VWF: variants seen among roughly 807,000 people sequenced by gnomAD.
The protein encoded by VWF is von Willebrand factor.
VWF carries 176 observed loss-of-function variants against 308.6 expected under a neutral mutation model. That is an observed-to-expected ratio of 0.57 (90% CI 0.50 to 0.65). The LOEUF is 0.65. Among genes scored for constraint, VWF ranks in the 30% least tolerant of loss-of-function variants. The pLI is 0.00. For missense variants in VWF, 3,146 were observed against 3,648.2 expected (o/e 0.86, Z 3.55); for synonymous variants, 1,385 against 1,443.4 (o/e 0.96, Z 0.92).
At chr12:5,962,752 T>C (rs1295100546) in intron 47 of VWF, among the ~76,000 whole-genome samples, 1 of 152,144 alleles carries the variant, frequency 6.6e-6, no homozygotes, top group East Asian at 1.9e-4. Context: ...GGTTTCACCA[T>C]GTTAGCCACG....
At chr12:6,085,544 A>G (rs1944958845) in intron 6 of VWF, among the ~76,000 whole-genome samples, 1 of 152,154 alleles carries the variant, frequency 6.6e-6, no homozygotes, top group Non-Finnish European at 1.5e-5. Context: ...ATAGTTCGTT[A>G]AAGGATTTTG....
intron 42 of VWF, among the ~76,000 whole-genome samples, chr12:5,981,105 G>C (rs1943600013): frequency 1.3e-5 from 2 of 152,208 alleles, no homozygotes; most frequent in Non-Finnish European, 2.9e-5. Context: ...TTCTCCCATA[G>C]CACCTAGCAC....
intron 3 of VWF, among the ~76,000 whole-genome samples, chr12:6,119,774 G>A (rs925644476): frequency 1.9e-4 from 29 of 152,086 alleles, no homozygotes; most frequent in African/African-American, 6.5e-4. Flanking sequence ...CCCAGGAGGC[G>A]GAGGTTGCAG....
chr12:6,087,524 A>G (rs1290861124), intron 6 of VWF, among the ~76,000 whole-genome samples: 1 of 138,726 alleles, frequency 7.2e-6, no homozygotes, highest in Non-Finnish European at 1.5e-5. Context: ...ACGCCCGGCT[A>G]ATTTTTTTTT....
Position 6,062,946 on chromosome 12 carries a change from G to C in VWF, c.1533+8C>G. 6.2e-7 allele frequency: 1 copy of C among 1,610,874 alleles called. No individual in the cohort carries two copies. The highest frequency in any genetic ancestry group is 1.1e-5 in the South Asian group (1 of 90,894). Reference sequence around the variant, plus strand: ...CGCAGGGAGCCAGTACCCCGTGAGGGCACCTACCTTCACCAGCAGCCTCCC... The same window carrying C: ...CGCAGGGAGCCAGTACCCCGTGAGGCCACCTACCTTCACCAGCAGCCTCCC... On this transcript the variant is annotated splice_region_variant and intron_variant, in intron 13 of 51. Coordinates refer to ENST00000261405, the MANE Select transcript of VWF (RefSeq NM_000552.5).
rs527405632 is a variant in VWF at position 5,966,263 on chromosome 12, G to A, written c.7887+1223C>T. Among the ~76,000 whole-genome samples the A allele has an allele frequency of 1.1e-3, 149 of 130,114 alleles. 1 individual carries two copies. Among genetic ancestry groups the A allele is most frequent in the African/African-American group, 4.8e-3 (142 of 29,492 alleles). 85.4% of individuals were successfully genotyped at this position (130,114 alleles called of 152,430 possible). The stretch of plus-strand genomic sequence containing the variant: ...TGGAAGCCCAGATGTGTTCTAGGAG[G>A]GTTGTTACACAATACACACACACAC... On this transcript the variant is annotated intron_variant, in intron 47 of 51. Coordinates refer to ENST00000261405, the MANE Select transcript of VWF (RefSeq NM_000552.5).
chr12:6,112,218 T>A (rs1308988647), intron 3 of VWF, among the ~76,000 whole-genome samples: 1 of 151,978 alleles, frequency 6.6e-6, no homozygotes, highest in Non-Finnish European at 1.5e-5. Flanking sequence ...CTGAGAATGG[T>A]GTGGTTGTGA....
chr12:6,092,614 T>TGAGAGTGAGAGTGAGAGAGAGAGAGA lies in VWF; in HGVS notation c.657+2845_657+2846insTCTCTCTCTCTCTCACTCTCACTCTC, dbSNP rs1945053302. On this transcript the variant is annotated intron_variant, in intron 6 of 51. Coordinates refer to ENST00000261405, the MANE Select transcript of VWF (RefSeq NM_000552.5). Reference sequence around the variant, plus strand: ...CATGCCCAGCTAGTTAGTGAGTGAGTGAGAGTGTGTGTGTGTGTGTGTGTG... The same window carrying TGAGAGTGAGAGTGAGAGAGAGAGAGA: ...CATGCCCAGCTAGTTAGTGAGTGAGTGAGAGTGAGAGTGAGAGAGAGAGAGAGAGAGTGTGTGTGTGTGTGTGTGTG... Among the ~76,000 whole-genome samples the TGAGAGTGAGAGTGAGAGAGAGAGAGA allele has an allele frequency of 2.1e-4, 18 of 86,084 alleles. 1 individual carries two copies. The highest frequency in any genetic ancestry group is 3.1e-4 in the Non-Finnish European group (14 of 45,040). 56.5% of individuals were successfully genotyped at this position (86,084 alleles called of 152,430 possible).
At chr12:6,123,244 C>T (rs758932841) in intron 1 of VWF, 48 bp from the exon 2 acceptor site, 7 of 1,612,220 alleles carry the variant, frequency 4.3e-6, no homozygotes, top group South Asian at 3.3e-5. Flanking sequence ...CCCAGGTAGG[C>T]GGCTGCTGGT....
At chr12:5,975,503 C>T (rs1018806748) in intron 43 of VWF, among the ~76,000 whole-genome samples, 4 of 152,112 alleles carry the variant, frequency 2.6e-5, no homozygotes, top group East Asian at 1.9e-4. Context: ...GCAGCCACCA[C>T]GAACTGGATT....
intron 3 of VWF, among the ~76,000 whole-genome samples, chr12:6,120,464 G>A (rs374736653): frequency 1.3e-5 from 2 of 151,872 alleles, no homozygotes; most frequent in African/African-American, 4.8e-5. Context: ...CACCACACCC[G>A]GCTAATTTTT....
rs377326408 is a variant in VWF at position 6,025,780 on chromosome 12, C to G, written c.3109-87G>C. ...GAAGGATCCAAGAGACCCTCCTTCCCACCCTGCAGCCACCTGGAGGTCATA... is the reference window on the plus strand; with the variant it reads ...GAAGGATCCAAGAGACCCTCCTTCCGACCCTGCAGCCACCTGGAGGTCATA... On this transcript the variant is annotated intron_variant, in intron 23 of 51. Coordinates refer to ENST00000261405, the MANE Select transcript of VWF (RefSeq NM_000552.5). 1.5e-4 allele frequency: 229 copies of G among 1,562,670 alleles called. No individual in the cohort carries two copies. The East Asian group carries it at 3.2e-3, about 22-fold the overall frequency.
chr12:5,987,079 C>G (rs1429859925), intron 38 of VWF, among the ~76,000 whole-genome samples: 1 of 152,152 alleles, frequency 6.6e-6, no homozygotes, highest in Non-Finnish European at 1.5e-5. Flanking sequence ...AGGCATGTGC[C>G]ACCATACCCA....
chr12:5,981,693 G>A (rs1364173980), intron 42 of VWF, 93 bp downstream of exon 42: 3 of 1,368,858 alleles, frequency 2.2e-6, no homozygotes, highest in Admixed American at 1.7e-5. Flanking sequence ...GTAGGTGGAT[G>A]GATGAATGGA....
Position 6,029,375 on chromosome 12 carries a change from C to G in VWF, c.2934G>C (p.Leu978=), listed in dbSNP as rs1438502089. 6.2e-7 allele frequency: 1 copy of G among 1,614,168 alleles called. No homozygotes were observed. The highest frequency in any genetic ancestry group is 1.1e-5 in the South Asian group (1 of 91,078). The part of the protein sequence containing the change: ...KALSVVWDRH[L]SISVVLKQTY... ...TCTGCTTCAGGACCACGGAGATGCT[C>G]AGGTGGCGGTCCCAGACCACGGAGA... Residue 978 remains leucine (L), a synonymous_variant, in exon 22 of 52, where the codon CTG becomes CTC. Coordinates refer to ENST00000261405, the MANE Select transcript of VWF (RefSeq NM_000552.5).
rs12319392 is a variant in VWF, at chr12:6,061,320, G to A, written c.1533+1634C>T. 5.3e-5 allele frequency among the ~76,000 whole-genome samples: 8 copies of A among 152,046 alleles called. No individual in the cohort carries two copies. The East Asian group carries it at 7.7e-4, about 15-fold the overall frequency. ...GAGACCCGAGTTCTGGTCCTTGCCC[G>A]GTAACTAAACGACCATGAGGCCTAG... On this transcript the variant is annotated intron_variant, in intron 13 of 51. Coordinates refer to ENST00000261405, the MANE Select transcript of VWF (RefSeq NM_000552.5).
At position 6,046,888 on chromosome 12, in the gene VWF, C is replaced by G; in HGVS notation, c.2187-71G>C. On this transcript the variant is annotated intron_variant, in intron 16 of 51. Coordinates refer to ENST00000261405, the MANE Select transcript of VWF (RefSeq NM_000552.5). This position sits in a 1 kb window ranked among gnomAD's most constrained non-coding sequence, Gnocchi z 5.0. ...ACTCGCTGCCTCCACATCTTCACCT[C>G]CCACTCACTCTCTGCCCCTTCCAAC... 7.3e-7 allele frequency: 1 copy of G among 1,378,582 alleles called. No individual in the cohort carries two copies. The highest frequency in any genetic ancestry group is 1.0e-6 in the Non-Finnish European group (1 of 984,100). The allele number at this position is 1,378,582 out of a possible 1,614,324, so 85.4% of individuals were successfully genotyped here. A position where few individuals can be genotyped will look rare whatever the true frequency, so the allele number is the denominator to read the frequency against.
intron 3 of VWF, among the ~76,000 whole-genome samples, chr12:6,112,107 T>C (rs1272062717): frequency 6.6e-6 from 1 of 152,150 alleles, no homozygotes; most frequent in East Asian, 1.9e-4. Flanking sequence ...TTACAGATCG[T>C]GTGGGTCAAA....
chr12:5,981,300 G>C (rs2136370593), intron 42 of VWF, among the ~76,000 whole-genome samples: 1 of 152,120 alleles, frequency 6.6e-6, no homozygotes, highest in East Asian at 1.9e-4. Flanking sequence ...AGGCAGAGGT[G>C]GGAGGATCAC....
Sources: allele counts gnomAD v4.1 joint callset (sites outside exome capture counted in the v4.1 genomes callset), GRCh38; gene constraint gnomAD v4.1.1; non-coding constraint Gnocchi (gnomAD v3.1); transcripts MANE v1.5; gene names NCBI Gene and HGNC (gene_info 2026-07-23, HGNC 2026-07-21).